The following MED13L variants were observed in gnomAD, a reference collection of about 807,000 sequenced individuals.
The protein encoded by MED13L is mediator complex subunit 13L.
A neutral mutation model predicts 220.9 loss-of-function variants in MED13L; 7 were observed. That is an observed-to-expected ratio of 0.03 (90% confidence interval 0.02 to 0.06). The LOEUF is 0.06. Among genes scored for constraint, MED13L ranks in the 10% least tolerant of loss-of-function variants. MED13L has a pLI of 1.00. For synonymous variants in MED13L, 1,011 were observed against 1,015.2 expected (o/e 1.00, Z 0.08); for missense variants, 1,965 against 2,760.5 (o/e 0.71, Z 6.46).
chr12:116,115,253 C>CA (rs1273225969), intron 2 of MED13L, among the ~76,000 whole-genome samples: 1 of 152,048 alleles, frequency 6.6e-6, no homozygotes, highest in East Asian at 1.9e-4. Flanking sequence ...GCCACAAATT[C>CA]ATTTTTTTTA....
intron 4 of MED13L, among the ~76,000 whole-genome samples, chr12:116,075,767 T>A (rs1188881121): frequency 6.6e-6 from 1 of 152,136 alleles, no homozygotes; most frequent in Non-Finnish European, 1.5e-5. Context: ...TGCCAAGTGA[T>A]CTAATCCATC....
intron 4 of MED13L, among the ~76,000 whole-genome samples, chr12:116,073,413 G>A (rs1333130845): frequency 6.6e-6 from 1 of 152,016 alleles, no homozygotes; most frequent in Non-Finnish European, 1.5e-5. Flanking sequence ...CCATCCCAAT[G>A]GACTCAATGT....
intron 4 of MED13L, among the ~76,000 whole-genome samples, chr12:116,073,499 G>T (rs1336758135): frequency 6.6e-6 from 1 of 152,078 alleles, no homozygotes; most frequent in African/African-American, 2.4e-5. Flanking sequence ...AGAAGAACAA[G>T]AACTAAATGA....
intron 2 of MED13L, among the ~76,000 whole-genome samples, chr12:116,218,605 T>C (rs1252035871): frequency 6.6e-6 from 1 of 152,134 alleles, no homozygotes; most frequent in African/African-American, 2.4e-5. Context: ...CAGAAAAAGA[T>C]AAAGAAGTTG....
intron 2 of MED13L, among the ~76,000 whole-genome samples, chr12:116,213,930 A>G (rs955086413): frequency 6.6e-6 from 1 of 152,186 alleles, no homozygotes; most frequent in Admixed American, 6.5e-5. Flanking sequence ...TAAAGTTCGT[A>G]CCTAGCAAAC....
At chr12:116,127,276 G>C (rs1356734893) in intron 2 of MED13L, among the ~76,000 whole-genome samples, 2 of 151,974 alleles carry the variant, frequency 1.3e-5, no homozygotes, top group Non-Finnish European at 2.9e-5. Context: ...AATTTTGTTT[G>C]TTATAACTCA....
intron 1 of MED13L, among the ~76,000 whole-genome samples, chr12:116,244,234 C>T (rs888253738): frequency 1.3e-5 from 2 of 152,136 alleles, no homozygotes; most frequent in African/African-American, 2.4e-5. Context: ...TATTAAGTCA[C>T]CTCTCAACTC....
At chr12:116,259,850 C>T (rs1872370960) in intron 1 of MED13L, among the ~76,000 whole-genome samples, 1 of 152,174 alleles carries the variant, frequency 6.6e-6, no homozygotes, top group Non-Finnish European at 1.5e-5. Context: ...ACACTAATTA[C>T]ATAAAATTGT....
intron 13 of MED13L, among the ~76,000 whole-genome samples, chr12:116,003,585 T>C (rs1162270872): frequency 6.6e-6 from 1 of 152,110 alleles, no homozygotes; most frequent in Non-Finnish European, 1.5e-5. Context: ...AAAAATAACC[T>C]TATTGTGTAA....
chr12:116,159,736 G>A (rs958024709), intron 2 of MED13L, among the ~76,000 whole-genome samples: 1 of 151,204 alleles, frequency 6.6e-6, no homozygotes, highest in African/African-American at 2.5e-5. Context: ...CTGTGTTTGT[G>A]AATAAAGTTA....
rs184719914 is a variant in MED13L, at chr12:116,093,646, A to T, written c.479+3023T>A. On this transcript the variant is annotated intron_variant, in intron 4 of 30. Transcript: ENST00000281928. ...AGTATGAGAAATTAGTAATACTAAT[A>T]ATCAGTAATGCTAGTAATCCTAGCA... Among the ~76,000 whole-genome samples, 14 of 152,160 alleles carry T rather than the reference A, an allele frequency of 9.2e-5. No individual in the cohort carries two copies. The East Asian group carries it at 2.7e-3, about 29-fold the overall frequency.
intron 2 of MED13L, among the ~76,000 whole-genome samples, chr12:116,118,563 C>T (rs1021165214): frequency 1.1e-4 from 16 of 152,166 alleles, no homozygotes; most frequent in Admixed American, 9.2e-4. Flanking sequence ...TTTGCTGACC[C>T]TTTCAATTTA....
intron 2 of MED13L, among the ~76,000 whole-genome samples, chr12:116,187,683 G>A (rs1880986231): frequency 6.6e-6 from 1 of 152,016 alleles, no homozygotes; most frequent in Admixed American, 6.6e-5. Flanking sequence ...GGGATGTATA[G>A]AAGTGAGTAT....
At chr12:116,043,897 C>T (rs1330625212) in intron 4 of MED13L, among the ~76,000 whole-genome samples, 1 of 152,174 alleles carries the variant, frequency 6.6e-6, no homozygotes, top group Non-Finnish European at 1.5e-5. Flanking sequence ...AGTCCTTTTC[C>T]TAGAACAACT....
intron 1 of MED13L, among the ~76,000 whole-genome samples, chr12:116,270,463 G>A (rs573859397): frequency 2.6e-5 from 4 of 152,154 alleles, no homozygotes; most frequent in African/African-American, 9.6e-5. Flanking sequence ...TTAAAGTTCA[G>A]TAATAAAACA....
intron 4 of MED13L, among the ~76,000 whole-genome samples, chr12:116,090,317 A>G (rs1272405101): frequency 6.6e-6 from 1 of 152,140 alleles, no homozygotes; most frequent in African/African-American, 2.4e-5. Flanking sequence ...TTCTCCTTCC[A>G]TTTCTTGATC....
At chr12:116,045,344 A>G (rs974994903) in intron 4 of MED13L, among the ~76,000 whole-genome samples, 4 of 152,162 alleles carry the variant, frequency 2.6e-5, no homozygotes, top group Non-Finnish European at 4.4e-5. Flanking sequence ...AAGCCTCAGC[A>G]CATCCACAAA....
intron 2 of MED13L, among the ~76,000 whole-genome samples, chr12:116,136,929 T>G (rs941763504): frequency 6.6e-6 from 1 of 152,202 alleles, no homozygotes; most frequent in African/African-American, 2.4e-5. Flanking sequence ...ACCACACCAA[T>G]TATTTTAAGT....
At position 116,210,309 on chromosome 12, in the gene MED13L, A is replaced by C. The variant is rs1845091944; in HGVS notation, c.310+27159T>G. Among the ~76,000 whole-genome samples, 3 of 152,138 alleles carry C rather than the reference A, an allele frequency of 2.0e-5. No individual in the cohort carries two copies. The South Asian group carries it at 6.2e-4, about 31-fold the overall frequency. On this transcript the variant is annotated intron_variant, in intron 2 of 30. Coordinates refer to ENST00000281928, the MANE Select transcript of MED13L (RefSeq NM_015335.5). ...TGGATCTGCAGCTACATTCAAGAAA[A>C]GTCAACTGCTTTGAAACGTTGCCAC...
Sources: allele counts gnomAD v4.1 joint callset (sites outside exome capture counted in the v4.1 genomes callset), GRCh38; gene constraint gnomAD v4.1.1; transcripts MANE v1.5; gene names NCBI Gene and HGNC (gene_info 2026-07-23, HGNC 2026-07-21).